Variants in PARD3 observed in about 807,000 individuals in gnomAD.
PARD3 encodes par-3 family cell polarity regulator.
Under a neutral mutation model 155.4 loss-of-function variants are expected in PARD3, and 75 were observed. The ratio of observed to expected loss-of-function variants is 0.48; its 90% CI spans 0.40 to 0.58. The LOEUF (loss-of-function observed/expected upper bound fraction) is 0.58. Among genes scored for constraint, PARD3 ranks in the 20% least tolerant of loss-of-function variants. The probability of loss-of-function intolerance (pLI) is 0.00; values close to 1 mark genes in which losing one functional copy is unlikely to be tolerated. For missense variants in PARD3, 1,642 were observed against 1,721.7 expected, an observed-to-expected ratio of 0.95 and a Z score of 0.82; for synonymous variants, 576 against 610.5, an observed-to-expected ratio of 0.94 and a Z score of 0.83.
At chr10:34,707,167 G>A (rs569880885) in intron 1 of PARD3, among the ~76,000 whole-genome samples, 50 of 151,618 alleles carry the variant, frequency 3.3e-4, no homozygotes, top group Non-Finnish European at 6.8e-4. Context: ...GATCGCTTCA[G>A]CCCAGGAGGT....
intron 23 of PARD3, 108 bp downstream of exon 23, chr10:34,131,355 T>C (rs1337737043): frequency 7.7e-6 from 9 of 1,166,546 alleles, no homozygotes; most frequent in Non-Finnish European, 1.1e-5. Context: ...TCAAAGGAAT[T>C]TGGCTCCATC....
intron 2 of PARD3, among the ~76,000 whole-genome samples, chr10:34,628,840 C>G (rs2092118674): frequency 6.6e-6 from 1 of 152,146 alleles, no homozygotes; most frequent in South Asian, 2.1e-4. Flanking sequence ...AAATGACGAA[C>G]AAGAAACAAA....
At chr10:34,216,492 A>C (rs1952008072) in intron 22 of PARD3, among the ~76,000 whole-genome samples, 1 of 152,174 alleles carries the variant, frequency 6.6e-6, no homozygotes, top group Non-Finnish European at 1.5e-5. Flanking sequence ...AAACCAGGAC[A>C]CTGTGTTATT....
chr10:34,684,630 CCTG>C (rs2093910212), intron 2 of PARD3, among the ~76,000 whole-genome samples: 1 of 152,096 alleles, frequency 6.6e-6, no homozygotes, highest in Non-Finnish European at 1.5e-5. Context: ...TTCCAGAAAA[CCTG>C]CTGACTGGCC....
At chr10:34,150,618 G>C (rs913271003) in intron 22 of PARD3, among the ~76,000 whole-genome samples, 1 of 152,086 alleles carries the variant, frequency 6.6e-6, no homozygotes, top group Admixed American at 6.5e-5. Context: ...AAGATTCATT[G>C]CTGGGAGCAG....
intron 12 of PARD3, among the ~76,000 whole-genome samples, chr10:34,371,992 G>T (rs900329498): frequency 1.3e-5 from 2 of 152,110 alleles, no homozygotes; most frequent in Non-Finnish European, 2.9e-5. Flanking sequence ...AATGTGAGCT[G>T]TGAGTCCTTA....
chr10:34,401,511 GAA>G (rs1267961903), intron 6 of PARD3, among the ~76,000 whole-genome samples: 1 of 152,062 alleles, frequency 6.6e-6, no homozygotes, highest in Non-Finnish European at 1.5e-5. Flanking sequence ...AAAGCAATCT[GAA>G]AAGAGTTACG....
chr10:34,145,204 TATATATATATATATATA>T (rs1478959520), intron 22 of PARD3, among the ~76,000 whole-genome samples: 2 of 64,220 alleles, frequency 3.1e-5, no homozygotes, highest in African/African-American at 1.6e-4. Flanking sequence ...TATATATATA[TATATATATATATATATA>T]TTTTTTTTTT....
At chr10:34,674,478 ATTTT>A (rs11402018) in intron 2 of PARD3, among the ~76,000 whole-genome samples, 203 of 79,534 alleles carry the variant, frequency 2.6e-3, no homozygotes, top group African/African-American at 9.5e-3. Context: ...CACGCTCTTG[ATTTT>A]TTTTTTTTTT....
chr10:34,677,407 G>C (rs1372504516), intron 2 of PARD3, among the ~76,000 whole-genome samples: 1 of 151,404 alleles, frequency 6.6e-6, no homozygotes, highest in South Asian at 2.1e-4. Flanking sequence ...TTCAGCCCAG[G>C]AGATTGAGAC....
At chr10:34,357,819 A>G (rs533131931) in intron 14 of PARD3, among the ~76,000 whole-genome samples, 22 of 152,304 alleles carry the variant, frequency 1.4e-4, no homozygotes, top group African/African-American at 5.3e-4. Context: ...AAAAACAACA[A>G]AATAATTCAG....
intron 1 of PARD3, among the ~76,000 whole-genome samples, chr10:34,699,525 G>A (rs550312486): frequency 1.3e-5 from 2 of 152,238 alleles, no homozygotes; most frequent in East Asian, 3.9e-4. Context: ...TTATTTTCAA[G>A]GGAAGAGTCC....
Position 34,110,935 on chromosome 10 carries a change from T to A in PARD3, c.*234A>T, listed in dbSNP as rs763626074. 1 of 445,274 alleles carries A rather than the reference T, an allele frequency of 2.2e-6. No homozygotes were observed. Among genetic ancestry groups the A allele is most frequent in the Non-Finnish European group, 3.9e-6 (1 of 253,300 alleles). 27.6% of individuals were successfully genotyped at this position (445,274 alleles called of 1,614,324 possible). A position where few individuals can be genotyped will look rare whatever the true frequency, so the allele number is the denominator to read the frequency against. ...GAGAGGCGCAGAGCATATGAACACC[T>A]CAAACAGATGATTGTCACAGGGTGG... On this transcript the variant is annotated 3_prime_UTR_variant, in exon 25 of 25. Transcript: ENST00000374788.
At chr10:34,814,278 A>G (rs1156576695) in intron 1 of PARD3, among the ~76,000 whole-genome samples, 2 of 151,986 alleles carry the variant, frequency 1.3e-5, no homozygotes, top group African/African-American at 4.8e-5. Flanking sequence ...CAAACCCTGC[A>G]GCCCCCGGAC....
At chr10:34,192,063 A>C (rs1264152870) in intron 22 of PARD3, among the ~76,000 whole-genome samples, 7 of 150,706 alleles carry the variant, frequency 4.6e-5, no homozygotes, top group African/African-American at 7.3e-5. Flanking sequence ...ACTAGCAAAA[A>C]CCACTTTCCT....
intron 4 of PARD3, among the ~76,000 whole-genome samples, chr10:34,451,091 ATG>A (rs1178863713): frequency 6.6e-6 from 1 of 152,192 alleles, no homozygotes; most frequent in African/African-American, 2.4e-5. Context: ...ATAACAAGCG[ATG>A]TCTTTACATA....
chr10:34,296,901 G>A (rs553180780), intron 20 of PARD3, among the ~76,000 whole-genome samples: 1 of 152,260 alleles, frequency 6.6e-6, no homozygotes, highest in Admixed American at 6.5e-5. Context: ...ATGAGTTTGA[G>A]AACAGCCTGG....
chr10:34,421,418 T>G (rs1564694640), intron 5 of PARD3, among the ~76,000 whole-genome samples: 2 of 151,344 alleles, frequency 1.3e-5, no homozygotes, highest in Non-Finnish European at 2.9e-5. Context: ...TACTAGTTAT[T>G]ACATTAATCT....
At chr10:34,434,411 A>G (rs1000691450) in intron 5 of PARD3, among the ~76,000 whole-genome samples, 3 of 152,322 alleles carry the variant, frequency 2.0e-5, no homozygotes, top group African/African-American at 7.2e-5. Flanking sequence ...ATATATCACA[A>G]TAGATTATGA....
Sources: allele counts gnomAD v4.1 joint callset (sites outside exome capture counted in the v4.1 genomes callset), GRCh38; gene constraint gnomAD v4.1.1; transcripts MANE v1.5; gene names NCBI Gene and HGNC (gene_info 2026-07-23, HGNC 2026-07-21).